Variants in ATP2B1 observed in about 807,000 individuals in gnomAD.
The protein encoded by ATP2B1 is ATPase plasma membrane Ca2+ transporting 1.
In ATP2B1, 14 loss-of-function variants were observed where a neutral mutation model predicts 124.2. The ratio of observed to expected loss-of-function variants is 0.11; its 90% CI spans 0.07 to 0.18. The LOEUF is 0.18. ATP2B1 is among the 10% of genes least tolerant of loss of function. The pLI is 1.00. For missense variants in ATP2B1, 763 were observed against 1,466.1 expected (o/e 0.52, Z 7.83); for synonymous variants, 449 against 492.4 (o/e 0.91, Z 1.17).
At chr12:89,606,159 T>G (rs1375327988) in intron 15 of ATP2B1, among the ~76,000 whole-genome samples, 2 of 152,238 alleles carry the variant, frequency 1.3e-5, no homozygotes, top group Non-Finnish European at 2.9e-5. Flanking sequence ...ATAACTCTGC[T>G]GGCAGATGAT....
intron 11 of ATP2B1, among the ~76,000 whole-genome samples, 188 bp downstream of exon 11, chr12:89,619,811 G>A (rs1406210147): frequency 6.6e-6 from 1 of 152,064 alleles, no homozygotes; most frequent in Non-Finnish European, 1.5e-5. Flanking sequence ...AGAAATAAGA[G>A]AAGCTAGAGT....
At position 89,707,047 on chromosome 12, in the gene ATP2B1, A is replaced by C. The variant is rs146249882; in HGVS notation, c.-222+1549T>G. On this transcript the variant is annotated intron_variant, in intron 1 of 20. Transcript: ENST00000428670. ...AAAAAAAATGTTTCTATTTACTTCA[A>C]ATTTGAACTCACCAGGAGGATAAAG... Among the ~76,000 whole-genome samples, 96 of 152,300 alleles carry C rather than the reference A, an allele frequency of 6.3e-4. 1 individual carries two copies. In the Middle Eastern group the frequency reaches 0.01, roughly 16 times the overall value.
intron 20 of ATP2B1, chr12:89,598,773 G>A (rs1353496451): frequency 6.2e-7 from 1 of 1,612,540 alleles, no homozygotes; most frequent in Admixed American, 1.7e-5. Flanking sequence ...GTGACAGCTT[G>A]CTCAGCAAGA....
intron 1 of ATP2B1, among the ~76,000 whole-genome samples, chr12:89,661,895 T>G (rs1050788999): frequency 3.9e-5 from 6 of 152,196 alleles, no homozygotes; most frequent in Admixed American, 3.9e-4. Context: ...AGCTACCTCG[T>G]GAGTTTAAAA....
rs888381815 is a variant in ATP2B1 at position 89,656,001 on chromosome 12, C to T, written c.-115G>A. 1.9e-6 allele frequency: 2 copies of T among 1,064,886 alleles called. No individual in the cohort carries two copies. Among genetic ancestry groups the T allele is most frequent in the African/African-American group, 3.2e-5 (2 of 62,462 alleles). The allele number at this position is 1,064,886 out of a possible 1,614,324, so 66.0% of individuals were successfully genotyped here. On this transcript the variant is annotated 5_prime_UTR_variant, in exon 2 of 21. The change abolishes an upstream ATG in the 5' untranslated region. Transcript: ENST00000428670. The stretch of plus-strand genomic sequence containing the variant: ...GAAAATCTTTCTTAAACCAAACACT[C>T]ATTGTATGACTTTGTAAAGCAGCAT...
Position 89,641,156 on chromosome 12 carries a change from C to T in ATP2B1, c.406+1002G>A, listed in dbSNP as rs143084921. Among the ~76,000 whole-genome samples the T allele has an allele frequency of 2.0e-3, 310 of 152,138 alleles. 1 individual carries two copies. The highest frequency in any genetic ancestry group is 7.2e-3 in the African/African-American group (298 of 41,494). On this transcript the variant is annotated intron_variant, in intron 3 of 20. Transcript: ENST00000428670. ...TTAAATATAGTAACCAAAATGCATG[C>T]TAGATTTCCTACCAGTTACAGAATC...
Position 89,617,047 on chromosome 12 carries a change from G to A in ATP2B1, c.1830-8C>T. The A allele has an allele frequency of 2.5e-6, 4 of 1,595,446 alleles. No individual in the cohort carries two copies. Among genetic ancestry groups the A allele is most frequent in the East Asian group, 2.2e-5 (1 of 44,786 alleles). On this transcript the variant is annotated splice_region_variant and splice_polypyrimidine_tract_variant and intron_variant, in intron 11 of 20. Transcript: ENST00000428670. ...CTCAAGATTTTGAAACACCTAAAAG[G>A]AAATGTTGAATCCAAACATCAATAA...
At chr12:89,680,142 A>G (rs1889156292) in intron 1 of ATP2B1, among the ~76,000 whole-genome samples, 3 of 152,194 alleles carry the variant, frequency 2.0e-5, no homozygotes, top group African/African-American at 7.2e-5. Context: ...CCAACTCCAT[A>G]GAAAAGGAAC....
chr12:89,682,554 T>C (rs1889487394), intron 1 of ATP2B1, among the ~76,000 whole-genome samples: 1 of 152,150 alleles, frequency 6.6e-6, no homozygotes, highest in African/African-American at 2.4e-5. Flanking sequence ...TCTAACTACA[T>C]ACAGAAATAA....
At chr12:89,707,027 AAAT>A (rs1892535738) in intron 1 of ATP2B1, among the ~76,000 whole-genome samples, 1 of 152,202 alleles carries the variant, frequency 6.6e-6, no homozygotes. Context: ...ATTAAAAAAA[AAAT>A]GTTTCTATTT....
chr12:89,651,280 T>C (rs895188898), intron 2 of ATP2B1, among the ~76,000 whole-genome samples: 1 of 152,146 alleles, frequency 6.6e-6, no homozygotes, highest in African/African-American at 2.4e-5. Flanking sequence ...AGGGCACTCT[T>C]TTTGTTCTTG....
At chr12:89,613,321 T>A (rs775188936) in intron 12 of ATP2B1, among the ~76,000 whole-genome samples, 42 of 152,142 alleles carry the variant, frequency 2.8e-4, no homozygotes, top group Admixed American at 5.2e-4. Flanking sequence ...ATGTAATTAA[T>A]TGCAATTTAA....
At chr12:89,626,225 T>C (rs1376730660) in intron 8 of ATP2B1, among the ~76,000 whole-genome samples, 2 of 152,226 alleles carry the variant, frequency 1.3e-5, no homozygotes, top group East Asian at 3.8e-4. Flanking sequence ...CACAGGCTTG[T>C]AACTGGACAG....
chr12:89,700,831 T>A (rs577149192), intron 1 of ATP2B1, among the ~76,000 whole-genome samples: 1 of 152,324 alleles, frequency 6.6e-6, no homozygotes, highest in African/African-American at 2.4e-5. Context: ...CTATAAAATT[T>A]AAAAGGTTGG....
intron 1 of ATP2B1, among the ~76,000 whole-genome samples, chr12:89,690,327 C>CTT (rs201384010): frequency 1.9e-4 from 27 of 144,060 alleles, no homozygotes; most frequent in South Asian, 1.7e-3. Context: ...GATGGCAAAT[C>CTT]TTTTTTTTTT....
chr12:89,654,986 G>A (rs1036837799), intron 2 of ATP2B1, among the ~76,000 whole-genome samples: 2 of 151,950 alleles, frequency 1.3e-5, no homozygotes, highest in African/African-American at 4.8e-5. Flanking sequence ...TTTATGAAAG[G>A]CAATCTTCTG....
chr12:89,676,724 A>G (rs1888654723), intron 1 of ATP2B1, among the ~76,000 whole-genome samples: 1 of 152,142 alleles, frequency 6.6e-6, no homozygotes, highest in Non-Finnish European at 1.5e-5. Context: ...CTGAGTATAA[A>G]AATTGCAAAT....
At chr12:89,634,654 T>C in intron 5 of ATP2B1, 124 bp downstream of exon 5, 1 of 1,082,234 alleles carries the variant, frequency 9.2e-7, no homozygotes, top group South Asian at 2.0e-5. Flanking sequence ...ATTACAACAG[T>C]AGAAGGTAGC....
At chr12:89,640,159 A>C (rs998461387) in intron 3 of ATP2B1, among the ~76,000 whole-genome samples, 3 of 152,210 alleles carry the variant, frequency 2.0e-5, no homozygotes, top group Non-Finnish European at 4.4e-5. Flanking sequence ...GTATAGCAGG[A>C]ATCTCTAAGA....
Sources: gnomAD v4.1 joint callset for allele counts (sites outside exome capture counted in the v4.1 genomes callset) on GRCh38, gnomAD v4.1.1 for gene constraint, MANE v1.5 for transcripts, NCBI Gene and HGNC (gene_info 2026-07-23, HGNC 2026-07-21) for gene names.